PDE1A: variants seen among roughly 807,000 people sequenced by gnomAD.
PDE1A encodes the protein phosphodiesterase 1A, also known as dual specificity calcium/calmodulin-dependent 3',5'-cyclic nucleotide phosphodiesterase 1A.
Under a neutral mutation model 61.7 loss-of-function variants are expected in PDE1A, and 35 were observed. The observed-to-expected ratio is 0.57, with a 90% CI of 0.43 to 0.75. The LOEUF (loss-of-function observed/expected upper bound fraction) is 0.75, where lower values mean the gene tolerates loss of function less well. Among genes scored for constraint, PDE1A ranks in the 30% least tolerant of loss-of-function variants. The pLI, the probability that PDE1A is intolerant of heterozygous loss-of-function variation, is 0.00. For missense variants in PDE1A, 597 were observed against 630.6 expected (o/e 0.95, Z 0.57); for synonymous variants, 232 against 213.2 (o/e 1.09, Z -0.77).
chr2:182,576,232 C>T, the PDE1A span, among the ~76,000 whole-genome samples: 1 of 152,052 alleles, frequency 6.6e-6, no homozygotes, highest in Non-Finnish European at 1.5e-5. Context: ...CCTCTTTTCC[C>T]TAAGCACCTA....
chr2:182,644,263 C>CTGTGTGTGTGTGTGTGTG, the PDE1A span, among the ~76,000 whole-genome samples: 129 of 123,080 alleles, frequency 1.0e-3, 3 homozygotes, highest in South Asian at 3.6e-3. Flanking sequence ...TCTTAAGACT[C>CTGTGTGTGTGTGTGTGTG]TGTGTGTGTG....
the PDE1A span, among the ~76,000 whole-genome samples, chr2:182,580,433 T>G: frequency 6.6e-6 from 1 of 152,130 alleles, no homozygotes; most frequent in South Asian, 2.1e-4. Context: ...TGTCCAAATT[T>G]TCTCTTCTTA....
intron 1 of PDE1A, among the ~76,000 whole-genome samples, chr2:182,362,759 A>G (rs1055431992): frequency 1.3e-5 from 2 of 152,074 alleles, no homozygotes; most frequent in African/African-American, 4.8e-5. Flanking sequence ...ATAAAGACAC[A>G]TACATGCACT....
chr2:182,304,613 T>C (rs570970052), intron 1 of PDE1A, among the ~76,000 whole-genome samples: 22 of 152,178 alleles, frequency 1.4e-4, no homozygotes, highest in Non-Finnish European at 2.8e-4. Context: ...TTAGAGGTCA[T>C]TCTAAGGTTA....
intron 1 of PDE1A, among the ~76,000 whole-genome samples, chr2:182,352,808 T>A (rs1698964229): frequency 6.6e-6 from 1 of 152,038 alleles, no homozygotes; most frequent in Non-Finnish European, 1.5e-5. Context: ...AACTGTTGCA[T>A]TCAATTAAGC....
chr2:182,168,348 T>C, intron 13 of PDE1A: 11 of 1,478,768 alleles, frequency 7.4e-6, no homozygotes, highest in Non-Finnish European at 1.0e-5. Flanking sequence ...TGTAAAGAAG[T>C]TATGAAAAAA....
intron 1 of PDE1A, among the ~76,000 whole-genome samples, chr2:182,378,739 C>T (rs1700561055): frequency 6.6e-6 from 1 of 152,178 alleles, no homozygotes; most frequent in African/African-American, 2.4e-5. Flanking sequence ...CCATATATGA[C>T]TCATGTTATG....
intron 1 of PDE1A, among the ~76,000 whole-genome samples, chr2:182,348,585 G>A (rs1461688508): frequency 3.3e-5 from 5 of 151,996 alleles, no homozygotes; most frequent in African/African-American, 1.2e-4. Context: ...ATCTTAATAA[G>A]TGTCACATCT....
chr2:182,521,321 T>A (rs1690552056), intron 2 of PDE1A, among the ~76,000 whole-genome samples: 1 of 152,044 alleles, frequency 6.6e-6, no homozygotes, highest in South Asian at 2.1e-4. Context: ...AAATCTCTAT[T>A]TTGCATAGTG....
chr2:182,571,641 T>C, the PDE1A span, among the ~76,000 whole-genome samples: 1 of 152,008 alleles, frequency 6.6e-6, no homozygotes, highest in African/African-American at 2.4e-5. Context: ...GGATGCTAAC[T>C]ACTAAATTAA....
chr2:182,449,086 A>C (rs1685336504), intron 2 of PDE1A, among the ~76,000 whole-genome samples: 1 of 148,618 alleles, frequency 6.7e-6, no homozygotes, highest in African/African-American at 2.5e-5. Flanking sequence ...ACACACACAC[A>C]AACAAAACCC....
At chr2:182,597,254 T>C in the PDE1A span, among the ~76,000 whole-genome samples, 1 of 152,116 alleles carries the variant, frequency 6.6e-6, no homozygotes, top group Non-Finnish European at 1.5e-5. Context: ...GAATTTGACA[T>C]CAAAATCTTA....
the PDE1A span, among the ~76,000 whole-genome samples, chr2:182,587,752 C>T: frequency 1.3e-5 from 2 of 152,140 alleles, no homozygotes; most frequent in African/African-American, 4.8e-5. Context: ...TGGGGAATTT[C>T]TGAGCCACAA....
chr2:182,556,304 A>G, the PDE1A span, among the ~76,000 whole-genome samples: 133 of 152,328 alleles, frequency 8.7e-4, no homozygotes, highest in African/African-American at 3.1e-3. Context: ...GATCTGAAAG[A>G]TAATTTGGCT....
intron 13 of PDE1A, among the ~76,000 whole-genome samples, chr2:182,176,334 A>G (rs572863104): frequency 6.7e-6 from 1 of 149,484 alleles, no homozygotes; most frequent in East Asian, 1.9e-4. Flanking sequence ...ATGTTCTTCC[A>G]TTTGTTTGTA....
At chr2:182,464,598 A>T (rs187295947) in intron 2 of PDE1A, among the ~76,000 whole-genome samples, 4 of 152,272 alleles carry the variant, frequency 2.6e-5, no homozygotes, top group Non-Finnish European at 4.4e-5. Context: ...ATGGTAAAAA[A>T]AATAATAATA....
rs555277686 is a variant in PDE1A at position 182,284,808 on chromosome 2, T to C, written c.54-20394A>G. ...ATTCTGGAAATAAAACAATAATAAC[T>C]AACATTTATTAAGCACTTTACATAT... On this transcript the variant is annotated intron_variant, in intron 1 of 13. Transcript: ENST00000351439. Among the ~76,000 whole-genome samples, 13 of 152,234 alleles carry C rather than the reference T, an allele frequency of 8.5e-5. No individual in the cohort carries two copies. The East Asian group carries it at 2.5e-3, about 29-fold the overall frequency.
At chr2:182,387,712 A>G (rs1701194902) in intron 1 of PDE1A, among the ~76,000 whole-genome samples, 1 of 152,016 alleles carries the variant, frequency 6.6e-6, no homozygotes, top group African/African-American at 2.4e-5. Context: ...AGCCAAGATC[A>G]TACCATTGCA....
chr2:182,447,438 G>A (rs968969495), intron 2 of PDE1A, among the ~76,000 whole-genome samples: 3 of 152,020 alleles, frequency 2.0e-5, no homozygotes, highest in African/African-American at 7.2e-5. Flanking sequence ...CTCAGTTCAT[G>A]AGGAGCCCTT....
Sources: allele counts gnomAD v4.1 joint callset (sites outside exome capture counted in the v4.1 genomes callset), GRCh38; gene constraint gnomAD v4.1.1; transcripts MANE v1.5; gene names NCBI Gene and HGNC (gene_info 2026-07-23, HGNC 2026-07-21).